TRHDE: variants seen among roughly 807,000 people sequenced by gnomAD.
TRHDE encodes the protein thyrotropin-releasing hormone-degrading ectoenzyme.
TRHDE carries 72 observed loss-of-function variants against 125.7 expected under a neutral mutation model. The ratio of observed to expected loss-of-function variants is 0.57; its 90% CI spans 0.47 to 0.70. TRHDE has a LOEUF of 0.70. Ranked by LOEUF, TRHDE falls within the 30% of genes least tolerant of loss-of-function variation. TRHDE has a pLI of 0.00. For synonymous variants in TRHDE, 509 were observed against 509.1 expected (o/e 1.00, Z 0.00); for missense variants, 1,110 against 1,327.1 (o/e 0.84, Z 2.54).
Position 72,568,589 on chromosome 12 carries a change from A to G in TRHDE, c.2064A>G (p.Leu688=), listed in dbSNP as rs749169335. The G allele has an allele frequency of 2.5e-6, 4 of 1,611,226 alleles. No individual in the cohort carries two copies. The South Asian group carries it at 4.4e-5, about 18-fold the overall frequency. Residue 688 remains leucine (L), a synonymous_variant, in exon 10 of 19, where the codon TTA becomes TTG. Coordinates refer to ENST00000261180, the MANE Select transcript of TRHDE (RefSeq NM_013381.3). ...QNNSYLWQIP[L]TIVVGNRSHV... is the part of the protein sequence containing the mutation. ...GCAGTTACCTGTGGCAGATTCCATT[A>G]ACTATTGTGGTAGGAAATAGAAGCC...
chr12:72,210,356 A>G (rs1877755901), intron 2 of TRHDE, among the ~76,000 whole-genome samples: 1 of 152,156 alleles, frequency 6.6e-6, no homozygotes. Flanking sequence ...TCCCTTGTGC[A>G]TCATCTATGT....
chr12:72,244,393 C>T (rs547013666), intron 2 of TRHDE, among the ~76,000 whole-genome samples: 103 of 152,100 alleles, frequency 6.8e-4, no homozygotes, highest in Non-Finnish European at 1.0e-3. Context: ...AATGGCCTAA[C>T]CATTCTTTTG....
intron 2 of TRHDE, among the ~76,000 whole-genome samples, chr12:72,377,136 T>G (rs777103111): frequency 6.6e-6 from 1 of 152,188 alleles, no homozygotes; most frequent in Non-Finnish European, 1.5e-5. Flanking sequence ...ATATTTCTTT[T>G]TCATAGAATT....
At chr12:72,575,637 A>T in intron 12 of TRHDE, 95 bp downstream of exon 12, 2 of 1,171,748 alleles carry the variant, frequency 1.7e-6, no homozygotes, top group Non-Finnish European at 2.5e-6. Flanking sequence ...TATTTAGGAC[A>T]TTTAAAAAAA....
chr12:72,523,854 C>T (rs777135244), intron 6 of TRHDE, among the ~76,000 whole-genome samples: 11 of 152,112 alleles, frequency 7.2e-5, no homozygotes, highest in African/African-American at 2.7e-4. Flanking sequence ...GTTCCCTGGA[C>T]GATATGTTTT....
intron 2 of TRHDE, among the ~76,000 whole-genome samples, chr12:72,251,802 A>G (rs888615105): frequency 3.9e-5 from 6 of 152,028 alleles, no homozygotes; most frequent in African/African-American, 1.4e-4. Context: ...GAGTGATTCG[A>G]TTCCTTTATA....
At chr12:72,354,070 T>A (rs1018762745) in intron 2 of TRHDE, among the ~76,000 whole-genome samples, 1 of 151,610 alleles carries the variant, frequency 6.6e-6, no homozygotes, top group African/African-American at 2.4e-5. Context: ...GTTATATTCA[T>A]AGGATGGTAT....
At chr12:72,326,894 C>T (rs933216372) in intron 2 of TRHDE, among the ~76,000 whole-genome samples, 1 of 152,152 alleles carries the variant, frequency 6.6e-6, no homozygotes, top group African/African-American at 2.4e-5. Context: ...CAAGGAGTGG[C>T]AGTAGCTTTG....
intron 2 of TRHDE, among the ~76,000 whole-genome samples, chr12:72,360,826 A>C (rs146069532): frequency 6.6e-6 from 1 of 151,876 alleles, no homozygotes; most frequent in East Asian, 1.9e-4. Context: ...CATATTTTAA[A>C]ATTTAATGTA....
intron 2 of TRHDE, among the ~76,000 whole-genome samples, chr12:72,110,431 T>A (rs530192199): frequency 6.6e-6 from 1 of 151,928 alleles, no homozygotes; most frequent in African/African-American, 2.4e-5. Context: ...CTTTTTTTTT[T>A]AATTGCCCCA....
At chr12:72,381,643 G>C (rs1189167836) in intron 3 of TRHDE, among the ~76,000 whole-genome samples, 1 of 152,004 alleles carries the variant, frequency 6.6e-6, no homozygotes, top group Non-Finnish European at 1.5e-5. Context: ...TGATCCGCCC[G>C]CCTCGGCCTC....
intron 2 of TRHDE, among the ~76,000 whole-genome samples, chr12:72,123,977 T>C (rs1233145447): frequency 3.3e-5 from 5 of 152,188 alleles, no homozygotes; most frequent in Admixed American, 3.3e-4. Flanking sequence ...CTCATCTATA[T>C]TGTTACATGA....
In TRHDE at chr12:72,278,759, A is replaced by G. The variant is rs1054508105; in HGVS notation, c.914+5202A>G. 4.6e-5 allele frequency among the ~76,000 whole-genome samples: 7 copies of G among 152,160 alleles called. No homozygotes were observed. In the East Asian group the frequency reaches 1.2e-3, roughly 25 times the overall value. Reference sequence around the variant, plus strand: ...GTCTTATTTTGAGAAATTTTCATTCAGGTCTTTTGCCCACTTTAAAAAATC... The same window carrying G: ...GTCTTATTTTGAGAAATTTTCATTCGGGTCTTTTGCCCACTTTAAAAAATC... On this transcript the variant is annotated intron_variant, in intron 1 of 18. Coordinates refer to ENST00000261180, the MANE Select transcript of TRHDE (RefSeq NM_013381.3).
chr12:72,495,577 A>G (rs1377792144), intron 5 of TRHDE, among the ~76,000 whole-genome samples: 5 of 151,950 alleles, frequency 3.3e-5, no homozygotes, highest in African/African-American at 1.2e-4. Context: ...AGCATCCATC[A>G]TATTATATTA....
chr12:72,419,051 A>T (rs1175083465), intron 3 of TRHDE, among the ~76,000 whole-genome samples: 1 of 152,184 alleles, frequency 6.6e-6, no homozygotes, highest in Admixed American at 6.6e-5. Context: ...ATATTAAATT[A>T]TAAAGGGAAA....
At chr12:72,199,727 G>A (rs1877518057) in intron 2 of TRHDE, among the ~76,000 whole-genome samples, 1 of 152,176 alleles carries the variant, frequency 6.6e-6, no homozygotes, top group Non-Finnish European at 1.5e-5. Flanking sequence ...TCAAGAGGCA[G>A]GTAATTTGAG....
At chr12:72,383,048 G>A (rs1032932666) in intron 3 of TRHDE, among the ~76,000 whole-genome samples, 1 of 152,170 alleles carries the variant, frequency 6.6e-6, no homozygotes. Context: ...ACCAGTGCAC[G>A]CTGTGTGAAA....
intron 2 of TRHDE, among the ~76,000 whole-genome samples, chr12:72,214,854 T>TTA (rs905088166): frequency 4.6e-5 from 7 of 152,184 alleles, no homozygotes; most frequent in African/African-American, 9.6e-5. Flanking sequence ...TATTTTTTGT[T>TTA]TATATATATA....
At chr12:72,446,153 T>TC (rs1186585987) in intron 3 of TRHDE, among the ~76,000 whole-genome samples, 5 of 150,226 alleles carry the variant, frequency 3.3e-5, no homozygotes, top group African/African-American at 1.2e-4. Context: ...TGCATTTCTT[T>TC]TTTTTTTTTT....
Sources: allele counts gnomAD v4.1 joint callset (sites outside exome capture counted in the v4.1 genomes callset), GRCh38; gene constraint gnomAD v4.1.1; transcripts MANE v1.5; gene names NCBI Gene and HGNC (gene_info 2026-07-23, HGNC 2026-07-21).